Variants in ZNF276 observed in about 807,000 individuals in gnomAD.
ZNF276 encodes the protein zinc finger protein 276, also known as centromere protein Z.
A neutral mutation model predicts 63.9 loss-of-function variants in ZNF276; 59 were observed. The ratio of observed to expected loss-of-function variants is 0.92; its 90% CI spans 0.75 to 1.15. The LOEUF (loss-of-function observed/expected upper bound fraction) is 1.15. ZNF276 is among the 50% of genes most tolerant of loss of function. The pLI, the probability that ZNF276 is intolerant of heterozygous loss-of-function variation, is 0.00. For missense variants in ZNF276, 1,084 were observed against 843.8 expected, an observed-to-expected ratio of 1.28 and a Z score of -3.53; for synonymous variants, 496 against 348.4, an observed-to-expected ratio of 1.42 and a Z score of -4.72.
Position 89,738,842 on chromosome 16 carries a change from A to T in ZNF276, c.*596A>T, listed in dbSNP as rs111846044. The stretch of plus-strand genomic sequence containing the variant: ...ATGGCCCAGGCAGCTGTCAATTCTC[A>T]TGTCCCCCACATGGCCCAAGGTGGG... On this transcript the variant is annotated 3_prime_UTR_variant, in exon 11 of 11. Coordinates refer to ENST00000443381, the MANE Select transcript of ZNF276 (RefSeq NM_001113525.2). 1 of 1,613,750 alleles carries T rather than the reference A, an allele frequency of 6.2e-7. No homozygotes were observed. The highest frequency in any genetic ancestry group is 8.5e-7 in the Non-Finnish European group (1 of 1,179,668).
At position 89,723,579 on chromosome 16, in the gene ZNF276, G is replaced by A; in HGVS notation, c.876G>A (p.Gly292=). The stretch of plus-strand genomic sequence containing the variant: ...AGACCTCCCAGGGTAGAGGGACAGG[G>A]ACCCCAGTTGGGGCTGAGACCAAGA... ...APQTSQGRGT[G]TPVGAETKTL... The change falls in exon 4 of 11, where the codon GGG becomes GGA. Residue 292 remains glycine (G), a synonymous_variant. Coordinates refer to ENST00000443381, the MANE Select transcript of ZNF276 (RefSeq NM_001113525.2). 6.2e-7 allele frequency: 1 copy of A among 1,612,818 alleles called. No homozygotes were observed. The highest frequency in any genetic ancestry group is 8.5e-7 in the Non-Finnish European group (1 of 1,180,002).
chr16:89,722,808 G>T lies in ZNF276; in HGVS notation c.483G>T (p.Pro161=), dbSNP rs201399472. The T allele has an allele frequency of 1.9e-6, 3 of 1,604,906 alleles. No individual in the cohort carries two copies. Among genetic ancestry groups the T allele is most frequent in the African/African-American group, 1.3e-5 (1 of 74,940 alleles). Residue 161 remains proline, a synonymous_variant, in exon 2 of 11, where the codon CCG becomes CCT. Transcript: ENST00000443381. The part of the protein sequence containing the change: ...KSFLQRVNAS[P]AGRRKPCAKV... ...TCCTGCAGAGGGTCAACGCCTCCCC[G>T]GCTGGTCGCCGGAAGCCTTGTGCAA...
intron 4 of ZNF276, among the ~76,000 whole-genome samples, chr16:89,725,064 C>T (rs758541763): frequency 3.3e-5 from 5 of 151,250 alleles, no homozygotes; most frequent in Non-Finnish European, 7.4e-5. Context: ...CAGGCACATG[C>T]CACCACGCCC....
At chr16:89,728,762 C>G (rs1166464198) in intron 5 of ZNF276, among the ~76,000 whole-genome samples, 1 of 152,128 alleles carries the variant, frequency 6.6e-6, no homozygotes, top group Non-Finnish European at 1.5e-5. Flanking sequence ...GTCTTGAACT[C>G]CTGACCTCAT....
chr16:89,721,585 C>G lies in ZNF276; in HGVS notation c.-56C>G. On this transcript the variant is annotated 5_prime_UTR_variant, in exon 1 of 11. Coordinates refer to ENST00000443381, the MANE Select transcript of ZNF276 (RefSeq NM_001113525.2). ...CGAGCGGAGCCTAACGCCGGGTCCT[C>G]TAGGAACCTCGGGCCGGGCAGCACC... 2 of 1,455,836 alleles carry G rather than the reference C, an allele frequency of 1.4e-6. No homozygotes were observed. Among genetic ancestry groups the G allele is most frequent in the East Asian group, 3.0e-5 (1 of 32,866 alleles). 90.2% of individuals were successfully genotyped at this position (1,455,836 alleles called of 1,614,324 possible).
intron 9 of ZNF276, among the ~76,000 whole-genome samples, chr16:89,735,306 C>T (rs1454055802): frequency 6.6e-6 from 1 of 152,080 alleles, no homozygotes; most frequent in East Asian, 1.9e-4. Context: ...GGGCCTGGAA[C>T]CAGCTGAGGA....
At chr16:89,724,957 T>C (rs576368551) in intron 4 of ZNF276, among the ~76,000 whole-genome samples, 35 of 152,404 alleles carry the variant, frequency 2.3e-4, no homozygotes, top group Admixed American at 1.2e-3. Context: ...TGTGTTTATT[T>C]ATTTTTGAGA....
chr16:89,732,402 G>A (rs939973248), intron 6 of ZNF276: 9 of 153,070 alleles, frequency 5.9e-5, no homozygotes, highest in African/African-American at 2.2e-4. Context: ...AGCATCACCT[G>A]TTCCTCTGAA....
intron 9 of ZNF276, among the ~76,000 whole-genome samples, chr16:89,734,424 C>A (rs1370082188): frequency 1.3e-5 from 2 of 152,288 alleles, no homozygotes; most frequent in East Asian, 1.9e-4. Context: ...CTCCCAGGTT[C>A]AATCAATTCT....
upstream of ZNF276, chr16:89,720,458 A>G: frequency 1.9e-6 from 2 of 1,079,232 alleles, no homozygotes; most frequent in Non-Finnish European, 1.1e-6. Flanking sequence ...CGTCACTCGG[A>G]TTTTGGAAGG....
chr16:89,740,698 G>T lies in ZNF276; in HGVS notation c.*2452G>T, dbSNP rs1249516166. The T allele has an allele frequency of 1.1e-6, 1 of 870,560 alleles. No homozygotes were observed. The highest frequency in any genetic ancestry group is 1.9e-6 in the Non-Finnish European group (1 of 525,134). 53.9% of individuals were successfully genotyped at this position (870,560 alleles called of 1,614,324 possible). On this transcript the variant is annotated 3_prime_UTR_variant, in exon 11 of 11. Coordinates refer to ENST00000443381, the MANE Select transcript of ZNF276 (RefSeq NM_001113525.2). ...TCACTCACACTTCCGCAAACACAAG[G>T]AGCTCCTGAGCTAGTCTGGAAACCC...
chr16:89,732,973 CTG>C (rs2061719878), intron 6 of ZNF276: 2 of 333,850 alleles, frequency 6.0e-6, no homozygotes, highest in South Asian at 5.0e-5. Context: ...TCCCCCTCTG[CTG>C]TGTTCGCCCT....
At chr16:89,722,406 G>A in intron 1 of ZNF276, 125 bp from the exon 2 acceptor site, 18 of 1,135,858 alleles carry the variant, frequency 1.6e-5, no homozygotes, top group Non-Finnish European at 2.2e-5. Context: ...CGCCCGAGCC[G>A]CTTGCTGTGT....
intron 9 of ZNF276, among the ~76,000 whole-genome samples, chr16:89,735,690 G>A (rs540823729): frequency 6.6e-6 from 1 of 152,060 alleles, no homozygotes; most frequent in Non-Finnish European, 1.5e-5. Flanking sequence ...GGGCAACATA[G>A]TGAGGCCGTC....
At chr16:89,720,479 G>A (rs1459358790), upstream of ZNF276, 2 of 1,106,596 alleles carry the variant, frequency 1.8e-6, no homozygotes, top group Admixed American at 5.1e-5. Flanking sequence ...TGGCCTGGCG[G>A]ACCCTCCTGC....
chr16:89,729,609 G>A (rs34659644), intron 6 of ZNF276, among the ~76,000 whole-genome samples: 6,731 of 152,240 alleles, frequency 0.044, 205 homozygotes, highest in Non-Finnish European at 0.072. Flanking sequence ...ACAGAACCCC[G>A]CCTTGCTTGA....
chr16:89,729,620 G>A (rs1326841846), intron 6 of ZNF276, among the ~76,000 whole-genome samples: 1 of 152,182 alleles, frequency 6.6e-6, no homozygotes, highest in East Asian at 1.9e-4. Flanking sequence ...CCTTGCTTGA[G>A]AAGGAGGCTC....
chr16:89,734,561 A>C (rs1213737450), intron 9 of ZNF276, among the ~76,000 whole-genome samples: 2 of 152,142 alleles, frequency 1.3e-5, no homozygotes, highest in Non-Finnish European at 2.9e-5. Context: ...TCCTGACCTC[A>C]AGTGATCTCA....
At position 89,727,265 on chromosome 16, in the gene ZNF276, T is replaced by G. The variant is rs773852257; in HGVS notation, c.1007-14T>G. The G allele has an allele frequency of 6.2e-7, 1 of 1,613,958 alleles. No homozygotes were observed. The highest frequency in any genetic ancestry group is 8.5e-7 in the Non-Finnish European group (1 of 1,179,838). On this transcript the variant is annotated splice_polypyrimidine_tract_variant and intron_variant, in intron 4 of 10. Transcript: ENST00000443381. The stretch of plus-strand genomic sequence containing the variant: ...TCCGTGTTGGTAACAGGAGCCTTGT[T>G]CTTTGTTTCTCAGGGCAGTTGGGTG...
Sources: allele counts gnomAD v4.1 joint callset (sites outside exome capture counted in the v4.1 genomes callset), GRCh38; gene constraint gnomAD v4.1.1; transcripts MANE v1.5; gene names NCBI Gene and HGNC (gene_info 2026-07-23, HGNC 2026-07-21).